The following SCN2A variants were observed in gnomAD, a reference collection of about 807,000 sequenced individuals.
SCN2A encodes sodium voltage-gated channel alpha subunit 2, also known as sodium channel protein type 2 subunit alpha.
Under a neutral mutation model 188.7 loss-of-function variants are expected in SCN2A, and 20 were observed. That is an observed-to-expected ratio of 0.11 (90% CI 0.07 to 0.15). The LOEUF is 0.15. Ranked by LOEUF, SCN2A falls within the 10% of genes least tolerant of loss-of-function variation. The pLI, the probability that SCN2A is intolerant of heterozygous loss-of-function variation, is 1.00. For missense variants in SCN2A, 1,278 were observed against 2,445.0 expected, an observed-to-expected ratio of 0.52 and a Z score of 10.07; for synonymous variants, 804 against 833.1, an observed-to-expected ratio of 0.97 and a Z score of 0.60.
rs1190194618 is a variant in SCN2A, at chr2:165,239,595, A to G, written c.-97A>G. 5 of 981,592 alleles carry G rather than the reference A, an allele frequency of 5.1e-6. No homozygotes were observed. In the African/African-American group the frequency reaches 7.0e-5, roughly 14 times the overall value. 60.8% of individuals were successfully genotyped at this position (981,592 alleles called of 1,614,324 possible). On this transcript the variant is annotated 5_prime_UTR_variant, in exon 1 of 27. Coordinates refer to ENST00000375437, the MANE Select transcript of SCN2A (RefSeq NM_001040142.2). ...TGCATTGGAGACTGTTATATTCAAC[A>G]CATACGTGGATTCTGTGTTATGATT...
intron 8 of SCN2A, 61 bp downstream of exon 8, chr2:165,312,149 C>T: frequency 3.3e-6 from 4 of 1,212,858 alleles, no homozygotes; most frequent in Non-Finnish European, 4.9e-6. Context: ...AATAACCTGC[C>T]ACCTCCCACT....
chr2:165,239,703 T>G (rs1693535277), intron 1 of SCN2A, 63 bp downstream of exon 1: 1 of 754,092 alleles, frequency 1.3e-6, no homozygotes, highest in Non-Finnish European at 1.6e-6. Flanking sequence ...AAGAATGACA[T>G]TTAATATAAG....
At chr2:165,319,621 A>G (rs1697965904) in intron 11 of SCN2A, among the ~76,000 whole-genome samples, 1 of 152,198 alleles carries the variant, frequency 6.6e-6, no homozygotes, top group African/African-American at 2.4e-5. Context: ...CCTCACAATC[A>G]TGGCAGAAAG....
intron 1 of SCN2A, among the ~76,000 whole-genome samples, chr2:165,240,288 T>G (rs1367193332): frequency 6.6e-6 from 1 of 152,120 alleles, no homozygotes; most frequent in Non-Finnish European, 1.5e-5. Context: ...GCCATGAAAA[T>G]TGATTTTTTC....
chr2:165,368,850 G>C (rs762376801), intron 19 of SCN2A, among the ~76,000 whole-genome samples: 1 of 152,084 alleles, frequency 6.6e-6, no homozygotes, highest in Non-Finnish European at 1.5e-5. Flanking sequence ...GGCGAATTCT[G>C]ATTTGACTAA....
At chr2:165,257,946 C>G (rs1467897545) in intron 1 of SCN2A, among the ~76,000 whole-genome samples, 1 of 152,000 alleles carries the variant, frequency 6.6e-6, no homozygotes, top group Non-Finnish European at 1.5e-5. Flanking sequence ...TGAAAAGTGT[C>G]TGCTCACGTC....
chr2:165,292,888 T>C (rs1696294368), intron 1 of SCN2A, among the ~76,000 whole-genome samples: 1 of 152,210 alleles, frequency 6.6e-6, no homozygotes, highest in East Asian at 1.9e-4. Context: ...ACAGGGCAAA[T>C]GTCTTAGCCA....
intron 8 of SCN2A, among the ~76,000 whole-genome samples, 170 bp from the exon 9 acceptor site, chr2:165,313,450 A>G (rs1163066702): frequency 1.3e-5 from 2 of 152,206 alleles, no homozygotes; most frequent in South Asian, 2.1e-4. Flanking sequence ...AGATTCTGTT[A>G]TTATATAAAT....
At chr2:165,276,356 A>T (rs1427053623) in intron 1 of SCN2A, among the ~76,000 whole-genome samples, 1 of 152,136 alleles carries the variant, frequency 6.6e-6, no homozygotes, top group Non-Finnish European at 1.5e-5. Context: ...GGGCCATAGT[A>T]CTTTTGTGTT....
chr2:165,265,469 A>ATCTCTCTCTCTCTCTC (rs754966737), intron 1 of SCN2A, among the ~76,000 whole-genome samples: 117 of 65,250 alleles, frequency 1.8e-3, no homozygotes, highest in Middle Eastern at 0.012. Context: ...TACTCTGTTG[A>ATCTCTCTCTCTCTCTC]TCTATATATA....
At chr2:165,376,281 A>G (rs1001129969) in intron 22 of SCN2A, among the ~76,000 whole-genome samples, 2 of 151,920 alleles carry the variant, frequency 1.3e-5, no homozygotes, top group African/African-American at 4.8e-5. Context: ...ATATTTGAAA[A>G]CATCATTTTG....
At chr2:165,348,185 C>T (rs1378192414) in intron 16 of SCN2A, among the ~76,000 whole-genome samples, 2 of 151,814 alleles carry the variant, frequency 1.3e-5, no homozygotes, top group Non-Finnish European at 2.9e-5. Context: ...ATGGCAAAAC[C>T]CCATCTCTAC....
At chr2:165,279,102 G>A (rs1695474694) in intron 1 of SCN2A, among the ~76,000 whole-genome samples, 2 of 152,136 alleles carry the variant, frequency 1.3e-5, no homozygotes, top group Admixed American at 1.3e-4. Context: ...CTCACTCAAG[G>A]TCACTGAGTT....
chr2:165,377,212 G>A (rs1701360448), intron 22 of SCN2A, among the ~76,000 whole-genome samples: 1 of 152,050 alleles, frequency 6.6e-6, no homozygotes, highest in South Asian at 2.1e-4. Context: ...GAAGCATTAA[G>A]ATAAATAATG....
intron 1 of SCN2A, among the ~76,000 whole-genome samples, chr2:165,255,919 A>G (rs928188496): frequency 2.4e-5 from 3 of 127,330 alleles, no homozygotes; most frequent in African/African-American, 9.3e-5. Flanking sequence ...ATTTTCCCCT[A>G]CCAGAAACTT....
chr2:165,316,705 C>T (rs986572106), intron 11 of SCN2A, among the ~76,000 whole-genome samples: 3 of 152,268 alleles, frequency 2.0e-5, no homozygotes, highest in African/African-American at 7.2e-5. Context: ...TGAAGAGAAG[C>T]AGGGGGCTGC....
rs1034704734 is a variant in SCN2A at position 165,310,484 on chromosome 2, T to C, written c.859T>C (p.Ser287Pro). 2 of 1,613,596 alleles carry C rather than the reference T, an allele frequency of 1.2e-6. No individual in the cohort carries two copies. Among genetic ancestry groups the C allele is most frequent in the Admixed American group, 3.3e-5 (2 of 59,964 alleles). The change falls in exon 7 of 27, where the codon TCC becomes CCC. Residue 287 changes from serine (S) to proline (P), a missense_variant. Around this residue, in one of 17 missense-constraint regions of SCN2A, gnomAD observed 45 missense variants for 58.1 expected, o/e 0.77. Coordinates refer to ENST00000375437, the MANE Select transcript of SCN2A (RefSeq NM_001040142.2). ...TTTGCAATGGCCTCCAGATAATTCT[T>C]CCTTTGAAATAAATATCACTTCCTT... Reference protein sequence around the residue: ...KCLQWPPDNSSFEINITSFFN... With the variant: ...KCLQWPPDNSPFEINITSFFN...
intron 20 of SCN2A, 48 bp from the exon 21 acceptor site, chr2:165,373,177 G>A (rs1294823317): frequency 4.4e-6 from 7 of 1,600,052 alleles, no homozygotes. Flanking sequence ...GAACTGTGTA[G>A]ACATTTTTAT....
intron 16 of SCN2A, among the ~76,000 whole-genome samples, chr2:165,352,454 G>A (rs1699973076): frequency 6.6e-6 from 1 of 152,108 alleles, no homozygotes; most frequent in African/African-American, 2.4e-5. Flanking sequence ...TAGCATGATA[G>A]AAGCATGAGA....
Sources: allele counts gnomAD v4.1 joint callset (sites outside exome capture counted in the v4.1 genomes callset), GRCh38; gene constraint gnomAD v4.1.1; regional missense constraint gnomAD v4.1.1; transcripts MANE v1.5; gene names NCBI Gene and HGNC (gene_info 2026-07-23, HGNC 2026-07-21).